The following ZNF366 variants were observed in gnomAD, a reference collection of about 807,000 sequenced individuals.
ZNF366 encodes the protein dendritic cell-specific transcript protein.
ZNF366 carries 20 observed loss-of-function variants against 47.2 expected under a neutral mutation model. That is an observed-to-expected ratio of 0.42 (90% CI 0.30 to 0.62). The LOEUF (loss-of-function observed/expected upper bound fraction) is 0.62. ZNF366 is among the 20% of genes least tolerant of loss of function. The probability of loss-of-function intolerance (pLI) is 0.16; values close to 1 mark genes in which losing one functional copy is unlikely to be tolerated. For missense variants in ZNF366, 987 were observed against 976.3 expected (o/e 1.01, Z -0.15); for synonymous variants, 421 against 395.1 (o/e 1.07, Z -0.78).
At position 72,440,191 on chromosome 5, in the gene ZNF366, C is replaced by T. The variant is rs555381186; in HGVS notation, c.*3565G>A. 4.6e-5 allele frequency: 7 copies of T among 152,266 alleles called. No individual in the cohort carries two copies. The highest frequency in any genetic ancestry group is 1.2e-4 in the African/African-American group (5 of 41,536). 9.4% of individuals were successfully genotyped at this position (152,266 alleles called of 1,614,324 possible). A position where few individuals can be genotyped will look rare whatever the true frequency, so the allele number is the denominator to read the frequency against. ...CACCATGTTAATATTTTATTAAATG[C>T]GTTCAGGGCTTAATAAATACAGTAT... On this transcript the variant is annotated 3_prime_UTR_variant, in exon 5 of 5. Transcript: ENST00000318442.
intron 3 of ZNF366, among the ~76,000 whole-genome samples, chr5:72,453,130 G>A (rs1421272596): frequency 6.6e-6 from 1 of 152,194 alleles, no homozygotes; most frequent in African/African-American, 2.4e-5. Flanking sequence ...GCGTGCTAGG[G>A]ACAGCTGTTT....
intron 3 of ZNF366, among the ~76,000 whole-genome samples, chr5:72,455,536 G>T (rs1021844074): frequency 7.2e-5 from 11 of 152,132 alleles, no homozygotes; most frequent in Non-Finnish European, 1.3e-4. Context: ...TACATCACTC[G>T]GATTAAACCC....
At position 72,442,078 on chromosome 5, in the gene ZNF366, T is replaced by A. The variant is rs1300616824; in HGVS notation, c.*1678A>T. ...TAAACATAGTAAGTGACCATAAACA[T>A]CACAGGCATCATCTTCTAGTATAAT... On this transcript the variant is annotated 3_prime_UTR_variant, in exon 5 of 5. Coordinates refer to ENST00000318442, the MANE Select transcript of ZNF366 (RefSeq NM_152625.3). 1.3e-5 allele frequency: 2 copies of A among 152,106 alleles called. No homozygotes were observed. The highest frequency in any genetic ancestry group is 2.9e-5 in the Non-Finnish European group (2 of 68,030). The allele number at this position is 152,106 out of a possible 1,614,324, so 9.4% of individuals were successfully genotyped here. A position where few individuals can be genotyped will look rare whatever the true frequency, so the allele number is the denominator to read the frequency against.
intron 1 of ZNF366, among the ~76,000 whole-genome samples, chr5:72,463,171 T>C (rs1029771006): frequency 6.6e-6 from 1 of 152,258 alleles, no homozygotes; most frequent in Non-Finnish European, 1.5e-5. Flanking sequence ...TCTATGGTCC[T>C]TGGCGAGTCG....
At chr5:72,504,083 G>T (rs546021110) in intron 1 of ZNF366, among the ~76,000 whole-genome samples, 13 of 151,048 alleles carry the variant, frequency 8.6e-5, no homozygotes, top group African/African-American at 3.2e-4. Flanking sequence ...ACACACACAT[G>T]CGCGCGCACA....
chr5:72,478,575 C>T (rs2112341990), intron 1 of ZNF366, among the ~76,000 whole-genome samples: 1 of 152,318 alleles, frequency 6.6e-6, no homozygotes, highest in Non-Finnish European at 1.5e-5. Flanking sequence ...CCTTGCTTAA[C>T]TCAGTCACTG....
In ZNF366 at chr5:72,440,865, G is replaced by A. The variant is rs540681236; in HGVS notation, c.*2891C>T. The A allele has an allele frequency of 6.6e-6, 1 of 152,262 alleles. No homozygotes were observed. The highest frequency in any genetic ancestry group is 6.5e-5 in the Admixed American group (1 of 15,296). 9.4% of individuals were successfully genotyped at this position (152,262 alleles called of 1,614,324 possible). On this transcript the variant is annotated 3_prime_UTR_variant, in exon 5 of 5. Coordinates refer to ENST00000318442, the MANE Select transcript of ZNF366 (RefSeq NM_152625.3). ...ACCATCAGGTTAGATCTAATTAAGT[G>A]TCTTATGCCCAGAGTCAACAACTAA...
chr5:72,472,708 C>T (rs1442090960), intron 1 of ZNF366: 8 of 456,688 alleles, frequency 1.8e-5, no homozygotes, highest in Non-Finnish European at 2.3e-5. Flanking sequence ...CGAGTTTCTC[C>T]CTGGCTTCTT....
chr5:72,496,600 C>T (rs1744117372), intron 1 of ZNF366, among the ~76,000 whole-genome samples: 1 of 152,084 alleles, frequency 6.6e-6, no homozygotes, highest in Admixed American at 6.5e-5. Context: ...GTGAACATTG[C>T]GTGCAAGTCT....
intron 3 of ZNF366, among the ~76,000 whole-genome samples, chr5:72,448,489 C>A (rs1743002390): frequency 6.6e-6 from 1 of 152,086 alleles, no homozygotes. Context: ...CAATTTCAGC[C>A]CTTCCTTGGC....
intron 2 of ZNF366, among the ~76,000 whole-genome samples, chr5:72,457,027 C>G (rs1043732719): frequency 6.6e-6 from 1 of 152,184 alleles, no homozygotes; most frequent in Non-Finnish European, 1.5e-5. Context: ...CCAATGTTCT[C>G]TTGGGTTCTC....
At chr5:72,465,280 C>T (rs1743406414) in intron 1 of ZNF366, among the ~76,000 whole-genome samples, 3 of 152,082 alleles carry the variant, frequency 2.0e-5, no homozygotes, top group Non-Finnish European at 4.4e-5. Flanking sequence ...ATATCTCTGC[C>T]TTTGAGCACC....
chr5:72,447,501 A>G (rs1742984586), intron 3 of ZNF366, 84 bp from the exon 4 acceptor site: 4 of 1,486,728 alleles, frequency 2.7e-6, no homozygotes, highest in South Asian at 2.6e-5. Flanking sequence ...TACCGTTTCT[A>G]CTTTGTTTGG....
At chr5:72,452,190 C>T (rs1427704816) in intron 3 of ZNF366, among the ~76,000 whole-genome samples, 1 of 152,196 alleles carries the variant, frequency 6.6e-6, no homozygotes, top group Non-Finnish European at 1.5e-5. Context: ...CGTGAAACTG[C>T]CCTTCCCGCA....
At chr5:72,454,934 T>C (rs1007924816) in intron 3 of ZNF366, among the ~76,000 whole-genome samples, 6 of 152,166 alleles carry the variant, frequency 3.9e-5, no homozygotes, top group Admixed American at 1.3e-4. Context: ...CAAGGTCCCA[T>C]AGTCAGAAAG....
At chr5:72,491,594 A>G (rs964758313) in intron 1 of ZNF366, among the ~76,000 whole-genome samples, 1 of 152,178 alleles carries the variant, frequency 6.6e-6, no homozygotes. Context: ...TAATAACCCA[A>G]CTTGCCTGGT....
rs1743291595 is a variant in ZNF366 at position 72,460,837 on chromosome 5, C to T, written c.660G>A (p.Gln220=). 6.2e-7 allele frequency: 1 copy of T among 1,614,118 alleles called. No individual in the cohort carries two copies. The highest frequency in any genetic ancestry group is 1.7e-5 in the Admixed American group (1 of 60,032). ...CCTTCTGCTTGGTCTCCTCGCTCTCCTGGGGCTCGGCTTTCCGGGGCAGCA... is the reference window on the plus strand; with the variant it reads ...CCTTCTGCTTGGTCTCCTCGCTCTCTTGGGGCTCGGCTTTCCGGGGCAGCA... ...EPLLPRKAEP[Q]ESEETKQKVE... is the part of the protein sequence containing the mutation. The change falls in exon 2 of 5, where the codon CAG becomes CAA. Residue 220 remains glutamine (Q), a synonymous_variant. Transcript: ENST00000318442.
At chr5:72,498,566 T>A (rs1744155713) in intron 1 of ZNF366, among the ~76,000 whole-genome samples, 1 of 152,222 alleles carries the variant, frequency 6.6e-6, no homozygotes, top group African/African-American at 2.4e-5. Flanking sequence ...CTTCTCTCAT[T>A]TTCTCCCTGC....
At chr5:72,463,545 T>C (rs1432478678) in intron 1 of ZNF366, among the ~76,000 whole-genome samples, 2 of 152,180 alleles carry the variant, frequency 1.3e-5, no homozygotes, top group Non-Finnish European at 2.9e-5. Context: ...TAGCTTTGCT[T>C]CCTCCTAAAA....
Sources: allele counts gnomAD v4.1 joint callset (sites outside exome capture counted in the v4.1 genomes callset), GRCh38; gene constraint gnomAD v4.1.1; transcripts MANE v1.5; gene names NCBI Gene and HGNC (gene_info 2026-07-23, HGNC 2026-07-21).